The following KIF18B variants were observed in gnomAD, a reference collection of about 807,000 sequenced individuals.
KIF18B encodes kinesin family member 18B.
KIF18B carries 49 observed loss-of-function variants against 80.9 expected under a neutral mutation model. The ratio of observed to expected loss-of-function variants is 0.61; its 90% confidence interval spans 0.48 to 0.77. The LOEUF is 0.77. KIF18B is among the 30% of genes least tolerant of loss of function. The probability of loss-of-function intolerance (pLI) is 0.00; values close to 1 mark genes in which losing one functional copy is unlikely to be tolerated. For missense variants in KIF18B, 994 were observed against 1,127.7 expected (o/e 0.88, Z 1.70); for synonymous variants, 439 against 463.9 (o/e 0.95, Z 0.69).
At chr17:44,937,604 A>T (rs2052334781) in intron 1 of KIF18B, among the ~76,000 whole-genome samples, 1 of 152,220 alleles carries the variant, frequency 6.6e-6, no homozygotes. Context: ...TTCACACGAT[A>T]TCTACCATCC....
At chr17:44,931,542 A>G in intron 11 of KIF18B, 60 bp downstream of exon 11, 2 of 1,610,954 alleles carry the variant, frequency 1.2e-6, no homozygotes, top group East Asian at 2.2e-5. Context: ...TCCCACACCC[A>G]GGGAGGCTGA....
intron 1 of KIF18B, among the ~76,000 whole-genome samples, chr17:44,939,823 AT>A (rs1236515378): frequency 3.4e-5 from 5 of 149,250 alleles, no homozygotes; most frequent in Admixed American, 1.3e-4. Context: ...TTTTATTTTT[AT>A]TTTTTTTTTA....
Position 44,934,822 on chromosome 17 carries a change from A to G in KIF18B, c.576+9T>C. Reference sequence around the variant, plus strand: ...GGGCCGATCATCCTACCCGAGCCCAATCCCACACCTGGTGGAAAGAAAGTC... The same window carrying G: ...GGGCCGATCATCCTACCCGAGCCCAGTCCCACACCTGGTGGAAAGAAAGTC... On this transcript the variant is annotated intron_variant, in intron 4 of 15. Coordinates refer to ENST00000593135, the MANE Select transcript of KIF18B (RefSeq NM_001265577.2). The surrounding 1 kb of genome is among the most constrained non-coding windows in gnomAD (Gnocchi z 5.4). The G allele has an allele frequency of 1.3e-6, 2 of 1,536,162 alleles. No individual in the cohort carries two copies. The highest frequency in any genetic ancestry group is 1.8e-6 in the Non-Finnish European group (2 of 1,134,318).
At position 44,928,536 on chromosome 17, in the gene KIF18B, G is replaced by A. The variant is rs1228552506; in HGVS notation, c.1766C>T (p.Thr589Ile). Residue 589 changes from threonine to isoleucine, a missense_variant, in exon 13 of 16, where the codon ACT becomes ATT. By Grantham distance (89) the Thr-to-Ile change is moderately conservative. Coordinates refer to ENST00000593135, the MANE Select transcript of KIF18B (RefSeq NM_001265577.2). ...CGCCATAGTCCGGGTCACAGGGCCA[G>A]TGTATCCTGGAGGCTCTGGGCAGAG... ...SPLCPEPPGY[T>I]GPVTRTMARR... is the part of the protein sequence containing the mutation. 3.4e-6 allele frequency: 5 copies of A among 1,468,002 alleles called. No individual in the cohort carries two copies. In the African/African-American group the frequency reaches 5.7e-5, roughly 17 times the overall value. 90.9% of individuals were successfully genotyped at this position (1,468,002 alleles called of 1,614,324 possible).
intron 1 of KIF18B, among the ~76,000 whole-genome samples, chr17:44,938,574 A>C (rs1291384560): frequency 6.6e-6 from 1 of 151,998 alleles, no homozygotes; most frequent in African/African-American, 2.4e-5. Flanking sequence ...TCTTTCTTAC[A>C]TTTAGGTTGT....
chr17:44,934,121 T>G lies in KIF18B; in HGVS notation c.886-22A>C, dbSNP rs1321047717. 6.8e-6 allele frequency: 11 copies of G among 1,609,988 alleles called. No homozygotes were observed. The highest frequency in any genetic ancestry group is 9.3e-6 in the Non-Finnish European group (11 of 1,178,214). ...GGCCCTGGGGGGCAGTAAGCAGGTG[T>G]GGGGTGAGGCGACTGATGGCACTGA... On this transcript the variant is annotated intron_variant, in intron 6 of 15. Transcript: ENST00000593135. The surrounding 1 kb of genome is among the most constrained non-coding windows in gnomAD (Gnocchi z 5.4).
intron 2 of KIF18B, 47 bp downstream of exon 2, chr17:44,935,985 G>A: frequency 6.5e-7 from 1 of 1,535,468 alleles, no homozygotes; most frequent in Non-Finnish European, 9.0e-7. Flanking sequence ...TCCCTTAGGA[G>A]GAGGCAGGGA....
chr17:44,926,941 T>G (rs753994716), intron 14 of KIF18B, 48 bp downstream of exon 14: 9 of 1,512,020 alleles, frequency 6.0e-6, no homozygotes, highest in Non-Finnish European at 6.3e-6. Context: ...ACTGCCCTGG[T>G]GAGAGCGAGC....
At chr17:44,945,545 C>T (rs898025586) in intron 1 of KIF18B, among the ~76,000 whole-genome samples, 7 of 152,076 alleles carry the variant, frequency 4.6e-5, no homozygotes, top group Non-Finnish European at 8.8e-5. Context: ...TTTTTATAAT[C>T]GCTTCATGTT....
rs568902965 is a variant in KIF18B, at chr17:44,925,785, C to CA, written c.*294dup. ...GACAGAGTAAGACTCCATCTCAAAA[C>CA]AAAAAAAACAAAAAACAAAAACCAC... On this transcript the variant is annotated 3_prime_UTR_variant, in exon 16 of 16. Transcript: ENST00000593135. 2.8e-3 allele frequency: 1,161 copies of CA among 410,220 alleles called. 22 individuals are homozygous for CA. The highest frequency in any genetic ancestry group is 0.026 in the South Asian group (1,046 of 39,710). The allele number at this position is 410,220 out of a possible 1,614,324, so 25.4% of individuals were successfully genotyped here.
At chr17:44,941,423 C>T (rs533939389) in intron 1 of KIF18B, among the ~76,000 whole-genome samples, 3 of 151,392 alleles carry the variant, frequency 2.0e-5, no homozygotes, top group African/African-American at 4.9e-5. Flanking sequence ...ACTGCAACCT[C>T]GGCCTCCCAG....
At chr17:44,933,772 C>T in intron 7 of KIF18B, 151 bp downstream of exon 7, 1 of 765,666 alleles carries the variant, frequency 1.3e-6, no homozygotes, top group Non-Finnish European at 2.0e-6. Context: ...GGATTACAGG[C>T]ATGAGCCACC....
At chr17:44,940,148 T>C (rs1400156719) in intron 1 of KIF18B, among the ~76,000 whole-genome samples, 1 of 152,286 alleles carries the variant, frequency 6.6e-6, no homozygotes, top group African/African-American at 2.4e-5. Flanking sequence ...GATTTCTGCA[T>C]GCAGATCTTG....
Position 44,925,664 on chromosome 17 carries a change from C to A in KIF18B, c.*416G>T. 2 of 220,902 alleles carry A rather than the reference C, an allele frequency of 9.1e-6. No homozygotes were observed. The highest frequency in any genetic ancestry group is 8.9e-6 in the Non-Finnish European group (1 of 112,846). 13.7% of individuals were successfully genotyped at this position (220,902 alleles called of 1,614,324 possible). ...GGTGTGGTGATGGGTGCCTGTAATC[C>A]CAGCTACTTGGAAAGCTGAGGCAGG... On this transcript the variant is annotated 3_prime_UTR_variant, in exon 16 of 16. Transcript: ENST00000593135.
At chr17:44,942,933 T>C (rs1283962535) in intron 1 of KIF18B, among the ~76,000 whole-genome samples, 1 of 152,208 alleles carries the variant, frequency 6.6e-6, no homozygotes, top group Non-Finnish European at 1.5e-5. Context: ...GGCTAGAACT[T>C]GACCTTCTGT....
At chr17:44,936,622 ATATTTTTTTTTTTTT>A (rs2052315238) in intron 1 of KIF18B, among the ~76,000 whole-genome samples, 1 of 43,848 alleles carries the variant, frequency 2.3e-5, no homozygotes, top group African/African-American at 1.0e-4. Context: ...ATATATATAT[ATATTTTTTTTTTTTT>A]TTTTTTTTTT....
intron 10 of KIF18B, 147 bp from the exon 11 acceptor site, chr17:44,931,876 A>G: frequency 8.1e-7 from 1 of 1,234,278 alleles, no homozygotes; most frequent in Non-Finnish European, 1.1e-6. Context: ...ACACACAAGG[A>G]TCTGATAAGA....
At chr17:44,929,081 C>T (rs2052093989) in intron 11 of KIF18B, 57 bp from the exon 12 acceptor site, 1 of 1,470,342 alleles carries the variant, frequency 6.8e-7, no homozygotes, top group East Asian at 2.3e-5. Context: ...GACCAGGAGC[C>T]TCTATGCCAT....
intron 1 of KIF18B, among the ~76,000 whole-genome samples, chr17:44,936,598 C>CTATATATATATA (rs1218900628): frequency 7.2e-5 from 2 of 27,850 alleles, no homozygotes; most frequent in Non-Finnish European, 1.3e-4. Context: ...CTCTCTCTCT[C>CTATATATATATA]TATATATATA....
Sources: gnomAD v4.1 joint callset for allele counts (sites outside exome capture counted in the v4.1 genomes callset) on GRCh38, gnomAD v4.1.1 for gene constraint, Gnocchi (gnomAD v3.1) non-coding constraint, MANE v1.5 for transcripts, NCBI Gene and HGNC (gene_info 2026-07-23, HGNC 2026-07-21) for gene names.